The following APOL2 variants were observed in gnomAD, a reference collection of about 807,000 sequenced individuals.
APOL2 encodes apolipoprotein L2, also known as apolipoprotein L, 2.
APOL2 carries 8 observed loss-of-function variants against 7.1 expected under a neutral mutation model. That is an observed-to-expected ratio of 1.12 (90% CI 0.66 to 2.03). APOL2 has a LOEUF of 2.03. Among genes scored for constraint, APOL2 ranks in the 30% most tolerant of loss-of-function variants. The pLI is 0.00. For synonymous variants in APOL2, 177 were observed against 159.9 expected, an observed-to-expected ratio of 1.11 and a Z score of -0.81; for missense variants, 471 against 415.1, an observed-to-expected ratio of 1.13 and a Z score of -1.17.
Position 36,227,718 on chromosome 22 carries a change from G to A in APOL2, c.700C>T (p.Pro234Ser). 6.2e-7 allele frequency: 1 copy of A among 1,614,222 alleles called. No individual in the cohort carries two copies. The highest frequency in any genetic ancestry group is 8.5e-7 in the Non-Finnish European group (1 of 1,180,034). The part of the protein sequence containing the change: ...IRAIRRARAN[P>S]QLGAYAPPPH... ...GGTGGGGCATACGCTCCTAACTGAGGGTTGGCTCTGGCTCGTCTGATGGCA... is the reference window on the plus strand; with the variant it reads ...GGTGGGGCATACGCTCCTAACTGAGAGTTGGCTCTGGCTCGTCTGATGGCA... The change falls in exon 5 of 5, where the codon CCT becomes TCT. Residue 234 changes from proline to serine, a missense_variant. By Grantham distance (74) the Pro-to-Ser change is moderately conservative (BLOSUM62 -1). Transcript: ENST00000358502.
At chr22:36,235,561 G>A (rs954878863) in intron 1 of APOL2, among the ~76,000 whole-genome samples, 2 of 152,030 alleles carry the variant, frequency 1.3e-5, no homozygotes, top group African/African-American at 4.8e-5. Context: ...ACTAAAAGGT[G>A]ATGATCAAAT....
chr22:36,227,663 T>C lies in APOL2; in HGVS notation c.755A>G (p.Glu252Gly), dbSNP rs770920486. The C allele has an allele frequency of 6.2e-7, 1 of 1,614,234 alleles. No homozygotes were observed. Among genetic ancestry groups the C allele is most frequent in the South Asian group, 1.1e-5 (1 of 91,088 alleles). ...AACCCTCTCAACCTGTTCACCGCCT[T>C]CAGCTGAGATTCGCCCAATGACATG... is the stretch of plus-strand genomic sequence containing the variant. ...PPHVIGRISA[E>G]GGEQVERVVE... The change falls in exon 5 of 5, where the codon GAA (glutamate) becomes GGA (glycine). Residue 252 changes from glutamate to glycine, a missense_variant. Physicochemically the swap from Glu to Gly is moderately conservative, Grantham distance 98. Transcript: ENST00000358502.
rs749293221 is a variant in APOL2 at position 36,226,667 on chromosome 22, G to GGA, written c.*736_*737insTC. ...TCTTGGAAGGACATCAAACCTGGGG[G>GGA]GGGGTCGGTAGTGGAGCTGCTGTTT... On this transcript the variant is annotated 3_prime_UTR_variant, in exon 5 of 5. Coordinates refer to ENST00000358502, the MANE Select transcript of APOL2 (RefSeq NM_030882.4). 4 of 151,910 alleles carry GGA rather than the reference G, an allele frequency of 2.6e-5. No homozygotes were observed. Among genetic ancestry groups the GGA allele is most frequent in the Non-Finnish European group, 5.9e-5 (4 of 68,376 alleles). The allele number at this position is 151,910 out of a possible 1,614,324, so 9.4% of individuals were successfully genotyped here.
In APOL2 at chr22:36,226,572, C is replaced by T. The variant is rs915609992; in HGVS notation, c.*832G>A. 6.6e-6 allele frequency: 1 copy of T among 152,562 alleles called. No homozygotes were observed. The highest frequency in any genetic ancestry group is 1.5e-5 in the Non-Finnish European group (1 of 68,348). 9.5% of individuals were successfully genotyped at this position (152,562 alleles called of 1,614,324 possible). Reference sequence around the variant, plus strand: ...AGCCACTGGCTGACTGTGATACACCCCCAGAAGGACAAGGGAGAGTGGATG... The same window carrying T: ...AGCCACTGGCTGACTGTGATACACCTCCAGAAGGACAAGGGAGAGTGGATG... On this transcript the variant is annotated 3_prime_UTR_variant, in exon 5 of 5. Transcript: ENST00000358502.
chr22:36,232,986 C>T (rs768386578), intron 3 of APOL2, among the ~76,000 whole-genome samples, 167 bp downstream of exon 3: 1 of 152,134 alleles, frequency 6.6e-6, no homozygotes, highest in Non-Finnish European at 1.5e-5. Flanking sequence ...AGATGACCCC[C>T]AGACCCCTGG....
chr22:36,229,385 G>GGCT (rs1326341070), intron 4 of APOL2, among the ~76,000 whole-genome samples: 1 of 152,098 alleles, frequency 6.6e-6, no homozygotes, highest in African/African-American at 2.4e-5. Context: ...CCTGAATAAA[G>GGCT]GCTTCATTTC....
At chr22:36,237,301 C>T in intron 1 of APOL2, 1 of 1,353,084 alleles carries the variant, frequency 7.4e-7, no homozygotes, top group Non-Finnish European at 9.6e-7. Context: ...CCAAGCTCTC[C>T]AGATGCAGAG....
rs28440984 is a variant in APOL2, at chr22:36,231,334, G to A, written c.137+6C>T. On this transcript the variant is annotated splice_donor_region_variant and intron_variant, in intron 4 of 4. Coordinates refer to ENST00000358502, the MANE Select transcript of APOL2 (RefSeq NM_030882.4). ...CGCCCCATGGAGTTAACCCCATGGA[G>A]CTTACCTGGGCAGTTCAGCAGCAGC... is the stretch of plus-strand genomic sequence containing the variant. 7.6e-3 allele frequency: 12,260 copies of A among 1,613,812 alleles called. 747 individuals carry two copies. In the African/African-American group the frequency reaches 0.14, roughly 18 times the overall value.
At chr22:36,231,501 T>C (rs750878786) in intron 3 of APOL2, 35 bp from the exon 4 acceptor site, 3 of 1,608,210 alleles carry the variant, frequency 1.9e-6, no homozygotes, top group Non-Finnish European at 2.6e-6. Context: ...GGTTGGAGGA[T>C]AGTGTAGGGG....
intron 4 of APOL2, 68 bp downstream of exon 4, chr22:36,231,272 A>C: frequency 6.4e-7 from 1 of 1,570,948 alleles, no homozygotes; most frequent in Admixed American, 1.7e-5. Flanking sequence ...TGTCAGGGAC[A>C]ACCAGCCCAG....
Position 36,227,572 on chromosome 22 carries a change from G to T in APOL2, c.846C>A (p.Ile282=). The change falls in exon 5 of 5, where the codon ATC becomes ATA. Residue 282 remains isoleucine (I), a synonymous_variant. Transcript: ENST00000358502. The part of the protein sequence containing the change: ...TMIVGAATGG[I]LLLLDVVSLA... ...GGCTGACCACATCCAGCAGAAGCAAGATGCCTCCAGTGGCTGCACCCACGA... is the reference window on the plus strand; with the variant it reads ...GGCTGACCACATCCAGCAGAAGCAATATGCCTCCAGTGGCTGCACCCACGA... 1 of 1,614,212 alleles carries T rather than the reference G, an allele frequency of 6.2e-7. No homozygotes were observed. The highest frequency in any genetic ancestry group is 1.1e-5 in the South Asian group (1 of 91,088).
intron 2 of APOL2, 39 bp from the exon 3 acceptor site, chr22:36,233,280 G>A: frequency 4.3e-6 from 7 of 1,610,576 alleles, no homozygotes; most frequent in Non-Finnish European, 5.9e-6. Context: ...TCGAAGGTGA[G>A]CCTCCTGTGT....
chr22:36,230,797 T>C (rs2015195513), intron 4 of APOL2, among the ~76,000 whole-genome samples: 1 of 152,116 alleles, frequency 6.6e-6, no homozygotes, highest in Non-Finnish European at 1.5e-5. Flanking sequence ...CCTGCTGTGT[T>C]TGTGGAATTC....
At chr22:36,238,169 C>A (rs1019935032) in intron 1 of APOL2, among the ~76,000 whole-genome samples, 1 of 152,198 alleles carries the variant, frequency 6.6e-6, no homozygotes, top group Non-Finnish European at 1.5e-5. Context: ...CTACGACTGA[C>A]CTGGATGCCC....
Position 36,227,732 on chromosome 22 carries a change from C to A in APOL2, c.686G>T (p.Arg229Leu). ...TCCTAACTGAGGGTTGGCTCTGGCT[C>A]GTCTGATGGCACGGATGTTCCTCCC... ...GIGRNIRAIR[R>L]ARANPQLGAY... The change falls in exon 5 of 5, where the codon CGA (arginine) becomes CTA (leucine). Residue 229 changes from arginine (R) to leucine (L), a missense_variant. Arg to Leu is a moderately radical substitution (Grantham distance 102). Transcript: ENST00000358502. 1 of 1,614,204 alleles carries A rather than the reference C, an allele frequency of 6.2e-7. No homozygotes were observed. The highest frequency in any genetic ancestry group is 1.3e-5 in the African/African-American group (1 of 75,044).
chr22:36,239,760 T>G (rs2015539362), upstream of APOL2: 3 of 510,722 alleles, frequency 5.9e-6, no homozygotes, highest in East Asian at 1.0e-4. Flanking sequence ...ATTCAAGGTC[T>G]GCTGTGTCAG....
intron 1 of APOL2, among the ~76,000 whole-genome samples, chr22:36,235,461 T>G (rs1475155792): frequency 1.3e-5 from 2 of 151,842 alleles, no homozygotes; most frequent in East Asian, 3.9e-4. Context: ...CTCAGGGAGA[T>G]TAAAAAATAT....
chr22:36,238,013 T>TGCG (rs2015469784), intron 1 of APOL2, among the ~76,000 whole-genome samples: 1 of 152,172 alleles, frequency 6.6e-6, no homozygotes, highest in South Asian at 2.1e-4. Flanking sequence ...GCCTGGTCCA[T>TGCG]GCGGCGGCCC....
At chr22:36,233,544 T>A in intron 1 of APOL2, 89 bp from the exon 2 acceptor site, 1 of 1,192,090 alleles carries the variant, frequency 8.4e-7, no homozygotes, top group Admixed American at 2.1e-5. Flanking sequence ...GGAATAGAGA[T>A]GGGAGGGAAC....
Sources: gnomAD v4.1 joint callset for allele counts (sites outside exome capture counted in the v4.1 genomes callset) on GRCh38, gnomAD v4.1.1 for gene constraint, MANE v1.5 for transcripts, NCBI Gene and HGNC (gene_info 2026-07-23, HGNC 2026-07-21) for gene names.